The following RCC1 variants were observed in gnomAD, a reference collection of about 807,000 sequenced individuals.
RCC1 encodes regulator of chromosome condensation.
Under a neutral mutation model 44.4 loss-of-function variants are expected in RCC1, and 11 were observed. That is an observed-to-expected ratio of 0.25 (90% confidence interval 0.16 to 0.41). The LOEUF (loss-of-function observed/expected upper bound fraction) is 0.41. RCC1 is among the 10% of genes least tolerant of loss of function. The pLI is 1.00. For synonymous variants in RCC1, 213 were observed against 216.5 expected (o/e 0.98, Z 0.14); for missense variants, 386 against 547.1 (o/e 0.71, Z 2.94).
In RCC1 at chr1:28,506,045, T is replaced by G. The variant is rs1661883675; in HGVS notation, c.-301T>G. The G allele has an allele frequency of 2.2e-6, 1 of 454,794 alleles. No individual in the cohort carries two copies. The highest frequency in any genetic ancestry group is 4.4e-6 in the Non-Finnish European group (1 of 226,758). 28.2% of individuals were successfully genotyped at this position (454,794 alleles called of 1,614,324 possible). A position where few individuals can be genotyped will look rare whatever the true frequency, so the allele number is the denominator to read the frequency against. On this transcript the variant is annotated 5_prime_UTR_variant, in exon 1 of 13. Coordinates refer to ENST00000683442, the MANE Select transcript of RCC1 (RefSeq NM_001381865.2). ...AGGATGCTTCGCGTTTTCTCTCTCC[T>G]TTTTGGAGACAGATTCGCAGTGGTC...
intron 5 of RCC1, among the ~76,000 whole-genome samples, chr1:28,531,265 CTTT>C (rs1178899130): frequency 3.0e-5 from 4 of 132,098 alleles, no homozygotes; most frequent in Non-Finnish European, 3.1e-5. Context: ...TTTTCTTTTT[CTTT>C]TTTTTTTTTT....
In RCC1 at chr1:28,536,272, C is replaced by A. The variant is rs182979681; in HGVS notation, c.828C>A (p.Gly276=). The part of the protein sequence containing the change: ...LSNYHQLGTP[G]TESCFIPQNL... The stretch of plus-strand genomic sequence containing the variant: ...CGGCCTTTCCCCCAGGAACTCCGGG[C>A]ACAGAATCTTGCTTCATACCCCAGA... Residue 276 remains glycine (G), a synonymous_variant, in exon 11 of 13, where the codon GGC becomes GGA. Transcript: ENST00000683442. The surrounding 1 kb of genome is among the most constrained non-coding windows in gnomAD (Gnocchi z 4.9). The A allele has an allele frequency of 4.6e-5, 75 of 1,614,032 alleles. 1 individual carries two copies. The East Asian group carries it at 1.6e-3, about 35-fold the overall frequency.
chr1:28,523,032 T>TC (rs1409402553), intron 4 of RCC1, among the ~76,000 whole-genome samples: 32 of 137,780 alleles, frequency 2.3e-4, no homozygotes, highest in South Asian at 2.3e-4. Context: ...AATTTCTTTT[T>TC]TTTTTTTTTT....
At position 28,538,200 on chromosome 1, in the gene RCC1, A is replaced by C; in HGVS notation, c.*193A>C. On this transcript the variant is annotated 3_prime_UTR_variant, in exon 13 of 13. Coordinates refer to ENST00000683442, the MANE Select transcript of RCC1 (RefSeq NM_001381865.2). ...TCTTTGGAATTTTCCTGGGACCTAC[A>C]GAATAAAGGGGGGGATGGACAGGGG... 2 of 490,446 alleles carry C rather than the reference A, an allele frequency of 4.1e-6. No individual in the cohort carries two copies. The highest frequency in any genetic ancestry group is 7.2e-6 in the Non-Finnish European group (2 of 278,970). 30.4% of individuals were successfully genotyped at this position (490,446 alleles called of 1,614,324 possible).
chr1:28,534,203 C>T (rs951703360), intron 7 of RCC1, among the ~76,000 whole-genome samples: 32 of 151,482 alleles, frequency 2.1e-4, no homozygotes, highest in Admixed American at 1.7e-3. Flanking sequence ...TGTTTTGAGA[C>T]GGAGTCTCGC....
rs770288311 is a variant in RCC1, at chr1:28,536,817, C to T, written c.1008C>T (p.Ser336=). Residue 336 remains serine (S), a synonymous_variant, in exon 12 of 13, where the codon AGC becomes AGT. Transcript: ENST00000683442. The surrounding 1 kb of genome is among the most constrained non-coding windows in gnomAD (Gnocchi z 4.9). ...TTGGAGAGGGTGCTGAGGAGAAGAGCATACCCACCCTCATCTCCAGGCTGC... is the reference window on the plus strand; with the variant it reads ...TTGGAGAGGGTGCTGAGGAGAAGAGTATACCCACCCTCATCTCCAGGCTGC... ...LGLGEGAEEK[S]IPTLISRLPA... 2 of 1,613,992 alleles carry T rather than the reference C, an allele frequency of 1.2e-6. No homozygotes were observed. Among genetic ancestry groups the T allele is most frequent in the East Asian group, 2.2e-5 (1 of 44,896 alleles).
chr1:28,517,305 T>C (rs1662956008), intron 4 of RCC1, among the ~76,000 whole-genome samples: 1 of 152,070 alleles, frequency 6.6e-6, no homozygotes, highest in South Asian at 2.1e-4. Context: ...AGAATGGGTG[T>C]TAATAAGAGA....
intron 4 of RCC1, chr1:28,518,286 C>T (rs912108698): frequency 1.3e-5 from 2 of 152,284 alleles, no homozygotes; most frequent in African/African-American, 4.8e-5. Context: ...CGCCGGAGTT[C>T]CTTGTGGCCG....
chr1:28,532,493 A>C (rs1303995095), intron 7 of RCC1, 143 bp downstream of exon 7: 1 of 851,696 alleles, frequency 1.2e-6, no homozygotes, highest in African/African-American at 1.7e-5. Context: ...GCCCAGACCC[A>C]GGACTCTAGC....
intron 4 of RCC1, chr1:28,526,475 A>T: frequency 1.8e-6 from 1 of 558,680 alleles, no homozygotes; most frequent in Middle Eastern, 2.9e-4. Flanking sequence ...TTCTTGGTGT[A>T]TTTATCCAGG....
At chr1:28,508,362 C>G (rs1449604072) in intron 2 of RCC1, 6 of 355,284 alleles carry the variant, frequency 1.7e-5, no homozygotes, top group South Asian at 6.2e-5. Flanking sequence ...ATGCTCTGTT[C>G]TGTAAAAATT....
rs1269668453 is a variant in RCC1 at position 28,508,887 on chromosome 1, T to C, written c.-171T>C. ...ATTGACATTTAATTTTAGGGTCCTT[T>C]ATATAGAAGGGAGAGTAGGTAAACT... On this transcript the variant is annotated 5_prime_UTR_variant, in exon 3 of 13. Coordinates refer to ENST00000683442, the MANE Select transcript of RCC1 (RefSeq NM_001381865.2). The C allele has an allele frequency of 1.9e-6, 1 of 517,426 alleles. No homozygotes were observed. The highest frequency in any genetic ancestry group is 3.9e-6 in the Non-Finnish European group (1 of 259,522). The allele number at this position is 517,426 out of a possible 1,614,324, so 32.1% of individuals were successfully genotyped here.
At chr1:28,525,626 G>A (rs1383216943) in intron 4 of RCC1, among the ~76,000 whole-genome samples, 2 of 152,144 alleles carry the variant, frequency 1.3e-5, no homozygotes, top group Non-Finnish European at 1.5e-5. Flanking sequence ...AGCCCTGGGA[G>A]AATAAAAGTT....
chr1:28,512,048 C>G (rs1245570150), intron 3 of RCC1, among the ~76,000 whole-genome samples: 2 of 146,288 alleles, frequency 1.4e-5, no homozygotes, highest in African/African-American at 5.1e-5. Flanking sequence ...GATCTCAGCT[C>G]ACTGCTACCT....
chr1:28,527,009 C>T, intron 4 of RCC1: 5 of 830,146 alleles, frequency 6.0e-6, no homozygotes, highest in Non-Finnish European at 2.1e-6. Context: ...CACGGCTGTA[C>T]CCTTAAAATA....
chr1:28,512,782 GTGT>G (rs1169791264), intron 3 of RCC1, among the ~76,000 whole-genome samples: 9 of 152,182 alleles, frequency 5.9e-5, no homozygotes, highest in Non-Finnish European at 1.2e-4. Flanking sequence ...TGTTGTATTA[GTGT>G]TGTTCAAATC....
intron 3 of RCC1, among the ~76,000 whole-genome samples, chr1:28,511,581 G>A (rs1662544442): frequency 6.6e-6 from 1 of 151,826 alleles, no homozygotes; most frequent in Non-Finnish European, 1.5e-5. Flanking sequence ...ATGTTAGCCA[G>A]GAAGGTCTCC....
intron 3 of RCC1, chr1:28,510,330 A>G (rs1662427480): frequency 6.6e-6 from 1 of 152,194 alleles, no homozygotes. Context: ...GGAGTGAGGC[A>G]GTGTTTAAGA....
intron 3 of RCC1, chr1:28,510,461 AAAAATAC>A (rs1662445460): frequency 6.6e-6 from 1 of 152,206 alleles, no homozygotes; most frequent in African/African-American, 2.4e-5. Context: ...TGTCTGTACT[AAAAATAC>A]AAAATAACTG....
Sources: gnomAD v4.1 joint callset for allele counts (sites outside exome capture counted in the v4.1 genomes callset) on GRCh38, gnomAD v4.1.1 for gene constraint, Gnocchi (gnomAD v3.1) non-coding constraint, MANE v1.5 for transcripts, NCBI Gene and HGNC (gene_info 2026-07-23, HGNC 2026-07-21) for gene names.